Variants in VPS13B observed in about 807,000 individuals in gnomAD.
The protein encoded by VPS13B is vacuolar protein sorting 13 homolog B.
In VPS13B, 285 loss-of-function variants were observed where a neutral mutation model predicts 426.4. The observed-to-expected ratio is 0.67, with a 90% CI of 0.61 to 0.74. VPS13B has a LOEUF of 0.74. Among genes scored for constraint, VPS13B ranks in the 30% least tolerant of loss-of-function variants. VPS13B has a pLI of 0.00. For synonymous variants in VPS13B, 1,676 were observed against 1,676.4 expected (o/e 1.00, Z 0.01); for missense variants, 4,537 against 4,782.6 (o/e 0.95, Z 1.51).
In VPS13B at chr8:99,406,544, C is replaced by T. The variant is rs566724668; in HGVS notation, c.3082+14840C>T. On this transcript the variant is annotated intron_variant, in intron 21 of 61. Coordinates refer to ENST00000357162, the MANE Select transcript of VPS13B (RefSeq NM_152564.5). Reference sequence around the variant, plus strand: ...GAGTTAGCAGCTCATGGCACAATTTCACTTCGTGTGCATAATCTTCCAGTG... The same window carrying T: ...GAGTTAGCAGCTCATGGCACAATTTTACTTCGTGTGCATAATCTTCCAGTG... Among the ~76,000 whole-genome samples the T allele has an allele frequency of 2.6e-5, 4 of 152,276 alleles. No individual in the cohort carries two copies. The South Asian group carries it at 6.2e-4, about 24-fold the overall frequency.
rs554541257 is a variant in VPS13B, at chr8:99,033,484, A to G, written c.148-4939A>G. On this transcript the variant is annotated intron_variant, in intron 2 of 61. Coordinates refer to ENST00000357162, the MANE Select transcript of VPS13B (RefSeq NM_152564.5). ...ATCTGCTGCTGAGCCCTTCTAGTGA[A>G]TTTTTTATTTTGTTGATTGTACTTT... Among the ~76,000 whole-genome samples, 4 of 152,182 alleles carry G rather than the reference A, an allele frequency of 2.6e-5. No individual in the cohort carries two copies. In the South Asian group the frequency reaches 6.2e-4, roughly 24 times the overall value.
At chr8:99,067,087 A>G (rs1844563214) in intron 3 of VPS13B, among the ~76,000 whole-genome samples, 1 of 152,188 alleles carries the variant, frequency 6.6e-6, no homozygotes, top group East Asian at 1.9e-4. Flanking sequence ...CAGTGTGGCT[A>G]TTCATGAAGG....
chr8:99,821,168 CA>C, intron 49 of VPS13B, 125 bp from the exon 50 acceptor site: 41 of 416,160 alleles, frequency 9.9e-5, no homozygotes, highest in East Asian at 2.0e-4. Context: ...ACACACACAC[CA>C]TGGAGGGATA....
intron 33 of VPS13B, among the ~76,000 whole-genome samples, chr8:99,604,751 A>G (rs1268176231): frequency 6.6e-6 from 1 of 151,932 alleles, no homozygotes; most frequent in Non-Finnish European, 1.5e-5. Flanking sequence ...CGGCCCCCCA[A>G]AGTGCTGGGA....
chr8:99,722,283 A>G (rs569305092), intron 39 of VPS13B, among the ~76,000 whole-genome samples: 7 of 152,162 alleles, frequency 4.6e-5, no homozygotes, highest in African/African-American at 1.2e-4. Context: ...TTGCTTTCTT[A>G]TAGTTCTTAC....
chr8:99,788,252 C>T (rs780228002), intron 43 of VPS13B, among the ~76,000 whole-genome samples: 37 of 146,758 alleles, frequency 2.5e-4, no homozygotes, highest in Non-Finnish European at 3.0e-4. Context: ...TAAAAATCTC[C>T]ACAAAAAAAT....
Position 99,766,987 on chromosome 8 carries a change from T to C in VPS13B, c.7247+17T>C. ...TGACCAAAGGTAATTCATTGAAAGA[T>C]GATATGGTAGCATTACACTGGGAAA... On this transcript the variant is annotated intron_variant, in intron 40 of 61. Transcript: ENST00000357162. The C allele has an allele frequency of 1.2e-6, 2 of 1,611,482 alleles. No homozygotes were observed. Among genetic ancestry groups the C allele is most frequent in the South Asian group, 2.2e-5 (2 of 91,024 alleles).
intron 39 of VPS13B, among the ~76,000 whole-genome samples, chr8:99,758,544 C>T (rs187715007): frequency 4.5e-4 from 68 of 152,298 alleles, no homozygotes; most frequent in African/African-American, 1.5e-3. Flanking sequence ...TCTGAGAACA[C>T]ATGGCATGCA....
chr8:99,356,982 T>C (rs576690784), intron 19 of VPS13B, among the ~76,000 whole-genome samples: 29 of 152,310 alleles, frequency 1.9e-4, no homozygotes, highest in African/African-American at 7.0e-4. Flanking sequence ...GAAAATGTAA[T>C]TAATTTACTA....
chr8:99,691,551 C>G (rs1280250299), intron 35 of VPS13B, among the ~76,000 whole-genome samples: 1 of 151,714 alleles, frequency 6.6e-6, no homozygotes, highest in Non-Finnish European at 1.5e-5. Context: ...TTTTGTTAGG[C>G]CTGATAAGAA....
At chr8:99,271,588 A>C (rs1447105788) in intron 17 of VPS13B, among the ~76,000 whole-genome samples, 1 of 152,228 alleles carries the variant, frequency 6.6e-6, no homozygotes, top group Non-Finnish European at 1.5e-5. Context: ...TACTGCTGTA[A>C]AGAACTGCCT....
chr8:99,430,050 A>C (rs574659262), intron 21 of VPS13B, among the ~76,000 whole-genome samples: 1 of 152,156 alleles, frequency 6.6e-6, no homozygotes, highest in Non-Finnish European at 1.5e-5. Context: ...TTTTTGTTTC[A>C]TCTGACTACT....
At chr8:99,826,851 T>C (rs766328306) in intron 51 of VPS13B, among the ~76,000 whole-genome samples, 6 of 152,206 alleles carry the variant, frequency 3.9e-5, no homozygotes, top group Non-Finnish European at 8.8e-5. Context: ...TCATTGGTTC[T>C]GTTCATGTGA....
chr8:99,322,437 G>C (rs962305003), intron 19 of VPS13B, among the ~76,000 whole-genome samples: 7 of 151,948 alleles, frequency 4.6e-5, no homozygotes, highest in African/African-American at 1.7e-4. Context: ...TCTTTATGTT[G>C]CTCTGGAGGC....
intron 3 of VPS13B, among the ~76,000 whole-genome samples, chr8:99,072,553 G>T (rs1485609660): frequency 6.6e-6 from 1 of 152,090 alleles, no homozygotes; most frequent in African/African-American, 2.4e-5. Context: ...AGCCAGGGGT[G>T]CGGGGCCGAG....
At position 99,778,997 on chromosome 8, in the gene VPS13B, A is replaced by G. The variant is rs1484112056; in HGVS notation, c.7745A>G (p.His2582Arg). 1 of 1,613,790 alleles carries G rather than the reference A, an allele frequency of 6.2e-7. No homozygotes were observed. Among genetic ancestry groups the G allele is most frequent in the Admixed American group, 1.7e-5 (1 of 59,992 alleles). Residue 2582 changes from histidine (H) to arginine (R), a missense_variant, in exon 42 of 62, where the codon CAT (histidine) becomes CGT (arginine). This residue lies in a region of VPS13B where 4,311 missense variants were observed against 4,474.3 expected (regional missense o/e 0.96). Transcript: ENST00000357162. ...GTAAACCTTGGACAGCATGTAGTCC[A>G]TTCACTAAACACTGCAATACAAGCT... ...VFVNLGQHVV[H>R]SLNTAIQAWQ...
In VPS13B at chr8:99,143,092, G is replaced by A. The variant is rs760564848; in HGVS notation, c.1770G>A (p.Ala590=). Residue 590 remains alanine, a synonymous_variant, in exon 13 of 62, where the codon GCG becomes GCA. Transcript: ENST00000357162. ...TTGATTTTCGTTTGGATAGCAGTGC[G>A]GTGCATAGGATTTTGAAAATGATTG... ...GPLDFRLDSS[A]VHRILKMIVC... 5.8e-5 allele frequency: 94 copies of A among 1,613,822 alleles called. No individual in the cohort carries two copies. The highest frequency in any genetic ancestry group is 2.9e-4 in the East Asian group (13 of 44,846).
intron 26 of VPS13B, 70 bp downstream of exon 26, chr8:99,501,928 CT>C: frequency 3.6e-6 from 5 of 1,384,498 alleles, no homozygotes; most frequent in African/African-American, 3.1e-5. Flanking sequence ...CCCTCCCTCC[CT>C]TCCTTCCTTC....
At chr8:99,397,655 G>A (rs1321874538) in intron 21 of VPS13B, among the ~76,000 whole-genome samples, 1 of 152,188 alleles carries the variant, frequency 6.6e-6, no homozygotes, top group Non-Finnish European at 1.5e-5. Flanking sequence ...GATCTTTCAA[G>A]ATCAGGAAGC....
Sources: gnomAD v4.1 joint callset for allele counts (sites outside exome capture counted in the v4.1 genomes callset) on GRCh38, gnomAD v4.1.1 for gene constraint, gnomAD v4.1.1 regional missense constraint, MANE v1.5 for transcripts, NCBI Gene and HGNC (gene_info 2026-07-23, HGNC 2026-07-21) for gene names.